Variants in ABCG5 observed in about 807,000 individuals in gnomAD.
ABCG5 encodes ATP-binding cassette sub-family G member 5.
ABCG5 carries 64 observed loss-of-function variants against 64.5 expected under a neutral mutation model. The ratio of observed to expected loss-of-function variants is 0.99; its 90% confidence interval spans 0.81 to 1.22. The LOEUF (loss-of-function observed/expected upper bound fraction) is 1.22. Among genes scored for constraint, ABCG5 ranks in the 50% most tolerant of loss-of-function variants. The pLI is 0.00. For missense variants in ABCG5, 908 were observed against 829.5 expected, an observed-to-expected ratio of 1.09 and a Z score of -1.16; for synonymous variants, 385 against 326.3, an observed-to-expected ratio of 1.18 and a Z score of -1.94.
At chr2:43,814,454 A>G (rs772945764) in intron 12 of ABCG5, 23 bp downstream of exon 12, 1 of 1,482,990 alleles carries the variant, frequency 6.7e-7, no homozygotes, top group Non-Finnish European at 9.4e-7. Context: ...TGCAAAAATA[A>G]TATCCCCAAA....
intron 4 of ABCG5, 132 bp from the exon 5 acceptor site, chr2:43,828,247 C>G: frequency 8.3e-7 from 1 of 1,201,152 alleles, no homozygotes; most frequent in Non-Finnish European, 1.2e-6. Context: ...CTCACCACAC[C>G]CTGGGGAAAG....
Position 43,814,346 on chromosome 2 carries a change from C to T in ABCG5, c.1762+131G>A, listed in dbSNP as rs974021223. Reference sequence around the variant, plus strand: ...CTTAAAAATCAGAGAAAATGTTGGACTGTATTTCAAAACAGAGTTTTAAAT... The same window carrying T: ...CTTAAAAATCAGAGAAAATGTTGGATTGTATTTCAAAACAGAGTTTTAAAT... On this transcript the variant is annotated intron_variant, in intron 12 of 12. Transcript: ENST00000405322. 1.5e-5 allele frequency: 10 copies of T among 671,998 alleles called. No individual in the cohort carries two copies. The African/African-American group carries it at 1.6e-4, about 11-fold the overall frequency. 41.6% of individuals were successfully genotyped at this position (671,998 alleles called of 1,614,324 possible).
intron 9 of ABCG5, among the ~76,000 whole-genome samples, chr2:43,823,672 C>G (rs772244055): frequency 5.3e-5 from 8 of 152,162 alleles, no homozygotes; most frequent in Non-Finnish European, 8.8e-5. Context: ...CTCTCCCCAC[C>G]AGTACATTGT....
chr2:43,821,890 G>A (rs570020331), intron 10 of ABCG5, among the ~76,000 whole-genome samples: 61 of 149,978 alleles, frequency 4.1e-4, no homozygotes, highest in Admixed American at 2.7e-3. Context: ...CTCTCTTCCC[G>A]CACCCCATCT....
downstream of ABCG5, among the ~76,000 whole-genome samples, chr2:43,807,938 T>C (rs1406541787): frequency 6.6e-6 from 1 of 152,118 alleles, no homozygotes; most frequent in Non-Finnish European, 1.5e-5. Context: ...ATATTGGTTA[T>C]TCCTTTTTCT....
intron 5 of ABCG5, 39 bp downstream of exon 5, chr2:43,827,944 C>G: frequency 5.6e-6 from 9 of 1,611,902 alleles, no homozygotes; most frequent in Non-Finnish European, 7.6e-6. Context: ...ACAGAAGATG[C>G]CCAGACAGCA....
chr2:43,824,767 A>G, intron 7 of ABCG5, 122 bp downstream of exon 7: 2 of 1,493,458 alleles, frequency 1.3e-6, no homozygotes, highest in Non-Finnish European at 1.8e-6. Context: ...TTCCTTGAAG[A>G]GTATAAAACA....
chr2:43,815,975 A>C (rs17031666), intron 11 of ABCG5, among the ~76,000 whole-genome samples: 8,513 of 150,464 alleles, frequency 0.057, 391 homozygotes, highest in African/African-American at 0.13. Flanking sequence ...AAAGGCCTGG[A>C]GTAGGATGAT....
At chr2:43,806,615 T>A in the ABCG5 span, among the ~76,000 whole-genome samples, 3 of 152,132 alleles carry the variant, frequency 2.0e-5, no homozygotes, top group East Asian at 1.9e-4. Context: ...AATATTTATC[T>A]AGGAGTCAAT....
At chr2:43,834,617 G>A (rs1668148363) in intron 2 of ABCG5, among the ~76,000 whole-genome samples, 1 of 152,238 alleles carries the variant, frequency 6.6e-6, no homozygotes, top group African/African-American at 2.4e-5. Flanking sequence ...AAGAGGATAT[G>A]AGAGGCTGGG....
At chr2:43,831,666 A>G in intron 4 of ABCG5, 103 bp downstream of exon 4, 1 of 1,188,920 alleles carries the variant, frequency 8.4e-7, no homozygotes, top group Non-Finnish European at 1.2e-6. Context: ...TGAAGGAGTG[A>G]CGAGCAAAGG....
downstream of ABCG5, chr2:43,809,588 A>G: frequency 1.4e-6 from 1 of 700,006 alleles, no homozygotes; most frequent in Non-Finnish European, 2.5e-6. Context: ...AATATTTAGA[A>G]TGATAATGCT....
chr2:43,831,318 G>A (rs953762944), intron 4 of ABCG5, among the ~76,000 whole-genome samples: 1 of 152,122 alleles, frequency 6.6e-6, no homozygotes, highest in Non-Finnish European at 1.5e-5. Flanking sequence ...GAGTGCAGGC[G>A]CACATCACCA....
intron 2 of ABCG5, 97 bp downstream of exon 2, chr2:43,837,737 C>G: frequency 6.5e-7 from 1 of 1,534,932 alleles, no homozygotes; most frequent in Non-Finnish European, 9.0e-7. Flanking sequence ...ATTCTAATAT[C>G]AAACCTGTGG....
chr2:43,837,476 G>A (rs1027747345), intron 2 of ABCG5, among the ~76,000 whole-genome samples: 1 of 152,046 alleles, frequency 6.6e-6, no homozygotes, highest in African/African-American at 2.4e-5. Flanking sequence ...AAGCACCACT[G>A]GAATCAAAGA....
At chr2:43,822,680 G>C (rs1667309013) in intron 10 of ABCG5, 117 bp downstream of exon 10, 4 of 1,565,798 alleles carry the variant, frequency 2.6e-6, no homozygotes, top group Non-Finnish European at 3.5e-6. Flanking sequence ...ACACTGATGG[G>C]CAAAGTGTAG....
At chr2:43,822,507 A>T in intron 10 of ABCG5, 2 of 909,526 alleles carry the variant, frequency 2.2e-6, no homozygotes, top group Non-Finnish European at 2.6e-6. Context: ...GGTCCTAGCT[A>T]CTTCAGAGTC....
intron 7 of ABCG5, 21 bp downstream of exon 7, chr2:43,824,868 G>A: frequency 2.5e-6 from 4 of 1,613,230 alleles, no homozygotes; most frequent in Non-Finnish European, 3.4e-6. Flanking sequence ...TCATGATGGG[G>A]AATGTGAAAG....
intron 7 of ABCG5, 95 bp from the exon 8 acceptor site, chr2:43,824,527 C>T (rs1050778822): frequency 5.0e-6 from 8 of 1,593,418 alleles, no homozygotes; most frequent in Middle Eastern, 1.7e-4. Context: ...GCCATAATAC[C>T]TCATCCCATC....
Sources: gnomAD v4.1 joint callset for allele counts (sites outside exome capture counted in the v4.1 genomes callset) on GRCh38, gnomAD v4.1.1 for gene constraint, MANE v1.5 for transcripts, NCBI Gene and HGNC (gene_info 2026-07-23, HGNC 2026-07-21) for gene names.